The following RELN variants were observed in gnomAD, a reference collection of about 807,000 sequenced individuals.
RELN encodes the protein reelin.
Under a neutral mutation model 427.6 loss-of-function variants are expected in RELN, and 108 were observed. That is an observed-to-expected ratio of 0.25 (90% CI 0.22 to 0.30). The LOEUF (loss-of-function observed/expected upper bound fraction) is 0.30, where lower values mean the gene tolerates loss of function less well. Among genes scored for constraint, RELN ranks in the 10% least tolerant of loss-of-function variants. The pLI is 1.00. For synonymous variants in RELN, 1,524 were observed against 1,513.4 expected (o/e 1.01, Z -0.16); for missense variants, 3,715 against 4,302.8 (o/e 0.86, Z 3.82).
intron 4 of RELN, among the ~76,000 whole-genome samples, chr7:103,754,228 A>G (rs557385955): frequency 6.6e-6 from 1 of 152,096 alleles, no homozygotes; most frequent in African/African-American, 2.4e-5. Context: ...CATTATATCC[A>G]AATGTTTAAT....
intron 3 of RELN, among the ~76,000 whole-genome samples, chr7:103,827,163 C>A (rs765315153): frequency 3.3e-5 from 5 of 151,848 alleles, no homozygotes; most frequent in Non-Finnish European, 7.4e-5. Flanking sequence ...TTTGGACTGT[C>A]GTTAAAAAAT....
intron 3 of RELN, among the ~76,000 whole-genome samples, chr7:103,783,719 T>A (rs995459705): frequency 6.6e-6 from 1 of 152,176 alleles, no homozygotes; most frequent in African/African-American, 2.4e-5. Flanking sequence ...GATGAAATCC[T>A]TTAAGTATGG....
rs1491188875 is a variant in RELN, at chr7:103,773,106, T to TTCTA, written c.544+3450_544+3451insTAGA. 8.3e-5 allele frequency among the ~76,000 whole-genome samples: 3 copies of TTCTA among 35,966 alleles called. No individual in the cohort carries two copies. The South Asian group carries it at 3.1e-3, about 38-fold the overall frequency. 23.6% of individuals were successfully genotyped at this position (35,966 alleles called of 152,430 possible). A position where few individuals can be genotyped will look rare whatever the true frequency, so the allele number is the denominator to read the frequency against. ...GAGATAGATGGTTCTCCTCTTTTCT[T>TTCTA]TCTTTCTTTCTTTCTTTCTTTCTTT... On this transcript the variant is annotated intron_variant, in intron 4 of 64. Transcript: ENST00000428762.
At chr7:103,806,245 G>C (rs1304373983) in intron 3 of RELN, among the ~76,000 whole-genome samples, 1 of 152,120 alleles carries the variant, frequency 6.6e-6, no homozygotes, top group African/African-American at 2.4e-5. Flanking sequence ...TGGGGAGAGG[G>C]ACTTCAGCTT....
intron 56 of RELN, among the ~76,000 whole-genome samples, 166 bp downstream of exon 56, chr7:103,496,360 A>G (rs932583360): frequency 1.3e-5 from 2 of 152,236 alleles, no homozygotes; most frequent in African/African-American, 4.8e-5. Context: ...AAAGCAGCCA[A>G]CTTTGAAGAT....
intron 6 of RELN, among the ~76,000 whole-genome samples, chr7:103,740,038 C>T (rs893632235): frequency 1.3e-5 from 2 of 152,134 alleles, no homozygotes. Flanking sequence ...CAGTGGATAT[C>T]TGCAGGAACA....
At chr7:103,794,169 T>C (rs1474730504) in intron 3 of RELN, among the ~76,000 whole-genome samples, 1 of 152,176 alleles carries the variant, frequency 6.6e-6, no homozygotes, top group East Asian at 1.9e-4. Flanking sequence ...ATTCTAGAAA[T>C]GGGCAACTTT....
chr7:103,648,224 G>T (rs917288811), intron 16 of RELN, among the ~76,000 whole-genome samples: 2 of 151,976 alleles, frequency 1.3e-5, no homozygotes, highest in Non-Finnish European at 2.9e-5. Flanking sequence ...TTTCCCCCTT[G>T]CTGTTCTTGT....
intron 2 of RELN, among the ~76,000 whole-genome samples, chr7:103,871,311 T>C (rs1794328826): frequency 6.6e-6 from 1 of 152,136 alleles, no homozygotes; most frequent in Non-Finnish European, 1.5e-5. Flanking sequence ...TTTGTAATTA[T>C]TTTTATATTG....
intron 2 of RELN, among the ~76,000 whole-genome samples, chr7:103,861,542 A>G (rs1794072090): frequency 6.6e-6 from 1 of 152,182 alleles, no homozygotes; most frequent in Non-Finnish European, 1.5e-5. Flanking sequence ...AAGGCTGGCC[A>G]TTTTGAATCA....
chr7:103,920,946 T>G (rs1161853191), intron 1 of RELN, among the ~76,000 whole-genome samples: 1 of 152,174 alleles, frequency 6.6e-6, no homozygotes, highest in Non-Finnish European at 1.5e-5. Flanking sequence ...AGAAGAAATC[T>G]GTGGTAAATG....
intron 46 of RELN, among the ~76,000 whole-genome samples, chr7:103,525,075 C>A (rs1481524206): frequency 6.6e-6 from 1 of 152,074 alleles, no homozygotes; most frequent in African/African-American, 2.4e-5. Flanking sequence ...TCATTCCCAC[C>A]TTTCTGCCTA....
At chr7:103,820,674 G>C (rs1386516387) in intron 3 of RELN, among the ~76,000 whole-genome samples, 2 of 151,972 alleles carry the variant, frequency 1.3e-5, no homozygotes, top group Non-Finnish European at 2.9e-5. Context: ...GAATTTCCAT[G>C]GAAATGCACA....
At position 103,983,847 on chromosome 7, in the gene RELN, A is replaced by G. The variant is rs1169050368; in HGVS notation, c.226+5284T>C. On this transcript the variant is annotated intron_variant, in intron 1 of 64. Coordinates refer to ENST00000428762, the MANE Select transcript of RELN (RefSeq NM_005045.4). ...CAGTTTTTCTATTTCTATGTGACACAAAGAACTTCATATTTCTGTGTGTGT... is the reference window on the plus strand; with the variant it reads ...CAGTTTTTCTATTTCTATGTGACACGAAGAACTTCATATTTCTGTGTGTGT... Among the ~76,000 whole-genome samples, 5 of 144,378 alleles carry G rather than the reference A, an allele frequency of 3.5e-5. No individual in the cohort carries two copies. In the East Asian group the frequency reaches 1.1e-3, roughly 30 times the overall value. The allele number at this position is 144,378 out of a possible 152,430, so 94.7% of individuals were successfully genotyped here.
intron 4 of RELN, among the ~76,000 whole-genome samples, chr7:103,773,708 G>A (rs1217051698): frequency 6.6e-6 from 1 of 151,860 alleles, no homozygotes; most frequent in African/African-American, 2.4e-5. Flanking sequence ...GACCTCAAGT[G>A]ATCTGCTTGC....
chr7:103,853,665 T>C (rs1012317927), intron 2 of RELN, among the ~76,000 whole-genome samples: 13 of 152,100 alleles, frequency 8.5e-5, no homozygotes, highest in African/African-American at 3.1e-4. Context: ...TTTATATACC[T>C]CTACCTATAG....
intron 4 of RELN, among the ~76,000 whole-genome samples, chr7:103,756,478 G>C (rs924037840): frequency 6.6e-6 from 1 of 152,122 alleles, no homozygotes; most frequent in Non-Finnish European, 1.5e-5. Context: ...CTCAAAAGCA[G>C]AAAATATGTC....
chr7:103,571,448 GGTGGAGTTCA>G (rs796774856), intron 31 of RELN, among the ~76,000 whole-genome samples: 59 of 152,202 alleles, frequency 3.9e-4, no homozygotes, highest in African/African-American at 1.4e-3. Context: ...GCCTAGGGAG[GGTGGAGTTCA>G]GTGCAAGGAG....
intron 30 of RELN, among the ~76,000 whole-genome samples, chr7:103,572,602 T>C (rs1296381898): frequency 1.3e-5 from 2 of 151,860 alleles, no homozygotes; most frequent in African/African-American, 4.8e-5. Flanking sequence ...AGTGGCGTGA[T>C]CTCGACTCAC....
Sources: gnomAD v4.1 joint callset for allele counts (sites outside exome capture counted in the v4.1 genomes callset) on GRCh38, gnomAD v4.1.1 for gene constraint, MANE v1.5 for transcripts, NCBI Gene and HGNC (gene_info 2026-07-23, HGNC 2026-07-21) for gene names.